SHISA9: variants seen among roughly 807,000 people sequenced by gnomAD.
The protein encoded by SHISA9 is shisa family member 9.
Under a neutral mutation model 38.0 loss-of-function variants are expected in SHISA9, and 13 were observed. The observed-to-expected ratio is 0.34, with a 90% confidence interval of 0.22 to 0.54. The LOEUF (loss-of-function observed/expected upper bound fraction) is 0.54, where lower values mean the gene tolerates loss of function less well. Ranked by LOEUF, SHISA9 falls within the 20% of genes least tolerant of loss-of-function variation. The pLI, the probability that SHISA9 is intolerant of heterozygous loss-of-function variation, is 0.91. For synonymous variants in SHISA9, 275 were observed against 242.0 expected (o/e 1.14, Z -1.27); for missense variants, 538 against 575.8 (o/e 0.93, Z 0.67).
the SHISA9 span, among the ~76,000 whole-genome samples, chr16:13,419,237 A>G: frequency 6.6e-6 from 1 of 152,236 alleles, no homozygotes; most frequent in Admixed American, 6.5e-5. Context: ...AGCCCTGAAT[A>G]AATGACTCAA....
chr16:13,276,069 C>T, the SHISA9 span, among the ~76,000 whole-genome samples: 3 of 151,984 alleles, frequency 2.0e-5, no homozygotes, highest in Non-Finnish European at 4.4e-5. Context: ...TTTTATCCCT[C>T]GCCCCCTCTG....
chr16:13,387,385 A>T, the SHISA9 span, among the ~76,000 whole-genome samples: 1 of 152,154 alleles, frequency 6.6e-6, no homozygotes, highest in Non-Finnish European at 1.5e-5. Flanking sequence ...GGAGAACATC[A>T]TATGAAAATG....
intron 2 of SHISA9, among the ~76,000 whole-genome samples, chr16:12,972,413 C>A (rs1165204785): frequency 6.6e-6 from 1 of 152,090 alleles, no homozygotes; most frequent in African/African-American, 2.4e-5. Context: ...CTCACCCACA[C>A]CTCCGTATAT....
the SHISA9 span, among the ~76,000 whole-genome samples, chr16:13,335,713 G>C: frequency 1.3e-5 from 2 of 152,098 alleles, no homozygotes; most frequent in Non-Finnish European, 2.9e-5. Flanking sequence ...ATGAGCCGTA[G>C]AGCCTTTGAT....
the SHISA9 span, among the ~76,000 whole-genome samples, chr16:13,477,148 T>G: frequency 0.028 from 4,257 of 152,224 alleles, 101 homozygotes; most frequent in Non-Finnish European, 0.036. Context: ...ACTGGACTTG[T>G]CGCTGGAGAA....
At chr16:13,545,578 A>T in the SHISA9 span, among the ~76,000 whole-genome samples, 2 of 152,094 alleles carry the variant, frequency 1.3e-5, no homozygotes, top group African/African-American at 4.8e-5. Flanking sequence ...TGTTTCAAAC[A>T]TTGCTTCTGC....
At chr16:13,070,908 T>C (rs1171620808) in intron 2 of SHISA9, among the ~76,000 whole-genome samples, 1 of 152,166 alleles carries the variant, frequency 6.6e-6, no homozygotes, top group Non-Finnish European at 1.5e-5. Context: ...AGAGGGAAGA[T>C]GTGGGACCAT....
intron 2 of SHISA9, among the ~76,000 whole-genome samples, chr16:13,177,456 GA>G (rs199873053): frequency 0.018 from 2,759 of 152,086 alleles, 33 homozygotes; most frequent in Middle Eastern, 0.027. Flanking sequence ...ATGGGTGGGG[GA>G]AAAAAACATT....
the SHISA9 span, among the ~76,000 whole-genome samples, chr16:13,500,318 C>A: frequency 6.6e-6 from 1 of 152,154 alleles, no homozygotes; most frequent in Non-Finnish European, 1.5e-5. Flanking sequence ...GCATATGGAA[C>A]TGTAAGTCAA....
chr16:13,352,218 G>C, the SHISA9 span, among the ~76,000 whole-genome samples: 1 of 152,176 alleles, frequency 6.6e-6, no homozygotes, highest in Admixed American at 6.5e-5. Flanking sequence ...GCAGAATATT[G>C]GGAGAACAGA....
chr16:13,211,558 T>C (rs1381945359), intron 3 of SHISA9, among the ~76,000 whole-genome samples: 1 of 152,226 alleles, frequency 6.6e-6, no homozygotes, highest in African/African-American at 2.4e-5. Flanking sequence ...ACCTTAGGTC[T>C]ACTTCCTCTT....
At chr16:13,102,181 C>A (rs150298592) in intron 2 of SHISA9, among the ~76,000 whole-genome samples, 1 of 152,288 alleles carries the variant, frequency 6.6e-6, no homozygotes, top group African/African-American at 2.4e-5. Context: ...CTACGAGAAC[C>A]GACATGCTCA....
the SHISA9 span, among the ~76,000 whole-genome samples, chr16:13,516,390 A>G: frequency 6.6e-6 from 1 of 152,218 alleles, no homozygotes; most frequent in Non-Finnish European, 1.5e-5. Context: ...TTTTGGAGAA[A>G]ACCCCTACAG....
the SHISA9 span, among the ~76,000 whole-genome samples, chr16:13,348,338 G>T: frequency 6.6e-6 from 1 of 152,070 alleles, no homozygotes; most frequent in South Asian, 2.1e-4. Flanking sequence ...AAAAGTGTGA[G>T]ATTTTGGAAC....
At chr16:12,961,503 C>A (rs1022985672) in intron 2 of SHISA9, among the ~76,000 whole-genome samples, 2 of 152,158 alleles carry the variant, frequency 1.3e-5, no homozygotes, top group African/African-American at 4.8e-5. Context: ...TACCTCCTCA[C>A]AATGGCACGC....
At chr16:13,291,978 T>C in the SHISA9 span, among the ~76,000 whole-genome samples, 2 of 152,058 alleles carry the variant, frequency 1.3e-5, no homozygotes, top group Admixed American at 1.3e-4. Flanking sequence ...TGTATTCCCT[T>C]TCTTTGGATT....
the SHISA9 span, among the ~76,000 whole-genome samples, chr16:13,269,886 T>C: frequency 6.6e-6 from 1 of 152,200 alleles, no homozygotes; most frequent in Admixed American, 6.5e-5. Context: ...GAATCCATGC[T>C]CTTGCAATCA....
Position 13,060,366 on chromosome 16 carries a change from C to T in SHISA9, c.692-143028C>T, listed in dbSNP as rs75699105. Among the ~76,000 whole-genome samples the T allele has an allele frequency of 9.8e-3, 1,497 of 152,216 alleles. 31 individuals carry two copies. Among genetic ancestry groups the T allele is most frequent in the African/African-American group, 0.034 (1,427 of 41,518 alleles). On this transcript the variant is annotated intron_variant, in intron 2 of 4. Coordinates refer to ENST00000558583, the MANE Select transcript of SHISA9 (RefSeq NM_001145204.3). ...GACTGGGATGAAATTCTCTACTCTG[C>T]GTCTTATCAACCAGAGGACATGAGG... is the stretch of plus-strand genomic sequence containing the variant.
At chr16:13,451,535 A>T in the SHISA9 span, among the ~76,000 whole-genome samples, 1 of 152,198 alleles carries the variant, frequency 6.6e-6, no homozygotes, top group African/African-American at 2.4e-5. Context: ...TTTAGATATA[A>T]TGGGCAGACC....
Sources: allele counts gnomAD v4.1 joint callset (sites outside exome capture counted in the v4.1 genomes callset), GRCh38; gene constraint gnomAD v4.1.1; transcripts MANE v1.5; gene names NCBI Gene and HGNC (gene_info 2026-07-23, HGNC 2026-07-21).